Variants in ST7L observed in about 807,000 individuals in gnomAD.
The protein encoded by ST7L is suppression of tumorigenicity 7 like.
Under a neutral mutation model 72.5 loss-of-function variants are expected in ST7L, and 57 were observed. The ratio of observed to expected loss-of-function variants is 0.79; its 90% CI spans 0.64 to 0.98. The LOEUF (loss-of-function observed/expected upper bound fraction) is 0.98. Among genes scored for constraint, ST7L ranks in the 50% least tolerant of loss-of-function variants. The pLI is 0.00. For missense variants in ST7L, 576 were observed against 672.2 expected (o/e 0.86, Z 1.58); for synonymous variants, 221 against 240.9 (o/e 0.92, Z 0.77).
intron 11 of ST7L, among the ~76,000 whole-genome samples, chr1:112,575,460 C>T (rs747647808): frequency 6.6e-6 from 1 of 152,128 alleles, no homozygotes; most frequent in Non-Finnish European, 1.5e-5. Context: ...ATATGTCAAT[C>T]TTGCATTTGG....
intron 14 of ST7L, chr1:112,529,122 A>C (rs1236034282): frequency 6.6e-6 from 1 of 152,110 alleles, no homozygotes; most frequent in African/African-American, 2.4e-5. Flanking sequence ...GAAACAGAGT[A>C]TTGAACTATG....
intron 3 of ST7L, among the ~76,000 whole-genome samples, chr1:112,603,003 C>G (rs983316219): frequency 1.4e-5 from 2 of 143,866 alleles, no homozygotes; most frequent in Non-Finnish European, 3.1e-5. Context: ...TAGGCAGCCA[C>G]CGCGCCCGGC....
chr1:112,589,985 G>T (rs1416570485), intron 6 of ST7L, among the ~76,000 whole-genome samples: 1 of 152,192 alleles, frequency 6.6e-6, no homozygotes, highest in African/African-American at 2.4e-5. Flanking sequence ...AAGCTTTCTG[G>T]TTTGTCTATT....
chr1:112,579,380 T>TAA (rs34252016), intron 9 of ST7L, among the ~76,000 whole-genome samples: 22 of 96,786 alleles, frequency 2.3e-4, no homozygotes, highest in African/African-American at 7.7e-4. Flanking sequence ...CGAGACTCTG[T>TAA]AAAAAAAAAA....
intron 11 of ST7L, among the ~76,000 whole-genome samples, chr1:112,568,861 A>AATATAAATATATATATATATATAT (rs61349207): frequency 8.7e-6 from 1 of 114,916 alleles, no homozygotes; most frequent in African/African-American, 3.5e-5. Context: ...TATAAATATA[A>AATATAAATATATATATATATATAT]ATATATATAT....
At chr1:112,523,131 C>T (rs1485026829), downstream of ST7L, 1 of 152,192 alleles carries the variant, frequency 6.6e-6, no homozygotes, top group African/African-American at 2.4e-5. Context: ...AGGACGTCAA[C>T]CTGACTTAAA....
At chr1:112,585,655 C>A (rs1487609610) in intron 6 of ST7L, among the ~76,000 whole-genome samples, 1 of 151,350 alleles carries the variant, frequency 6.6e-6, no homozygotes, top group East Asian at 1.9e-4. Flanking sequence ...ATGGCATGAA[C>A]CTGGGAGACG....
chr1:112,619,684 T>C, upstream of ST7L: 1 of 607,364 alleles, frequency 1.6e-6, no homozygotes, highest in Non-Finnish European at 2.9e-6. Flanking sequence ...GCGCGGGCGC[T>C]GGCGTTAGGA....
intron 13 of ST7L, among the ~76,000 whole-genome samples, chr1:112,544,989 T>C (rs1262952328): frequency 6.6e-6 from 1 of 152,176 alleles, no homozygotes; most frequent in East Asian, 1.9e-4. Flanking sequence ...AAAAGACGAC[T>C]AAATAGCTAT....
chr1:112,550,099 C>T (rs946049106), intron 13 of ST7L, among the ~76,000 whole-genome samples: 1 of 152,138 alleles, frequency 6.6e-6, no homozygotes, highest in Non-Finnish European at 1.5e-5. Flanking sequence ...TTAAACCAAA[C>T]TTGCATTTGT....
intron 5 of ST7L, among the ~76,000 whole-genome samples, chr1:112,593,586 C>T (rs1157878572): frequency 6.6e-6 from 1 of 152,110 alleles, no homozygotes; most frequent in Non-Finnish European, 1.5e-5. Flanking sequence ...AGAGCCACAA[C>T]TCAGTTCCAT....
downstream of ST7L, among the ~76,000 whole-genome samples, chr1:112,519,874 T>TC (rs1553233355): frequency 1.8e-4 from 16 of 88,528 alleles, no homozygotes; most frequent in South Asian, 7.4e-4. Flanking sequence ...CCATGCTTCT[T>TC]TTTTTTTTTT....
rs757840057 is a variant in ST7L, at chr1:112,619,104, G to C, written c.10C>G (p.Arg4Gly). 6.2e-7 allele frequency: 1 copy of C among 1,613,468 alleles called. No homozygotes were observed. Among genetic ancestry groups the C allele is most frequent in the South Asian group, 1.1e-5 (1 of 91,036 alleles). ...GCTGCGGCTTCACCCACGCCGCCACGGTCCGCCATCTTGCCGCTATCGCAG... is the reference window on the plus strand; with the variant it reads ...GCTGCGGCTTCACCCACGCCGCCACCGTCCGCCATCTTGCCGCTATCGCAG... MAD[R>G]GGVGEAAAVG... The change falls in exon 1 of 15, where the codon CGT (arginine) becomes GGT (glycine). Residue 4 changes from arginine to glycine, a missense_variant. Physicochemically the swap from Arg to Gly is moderately radical, Grantham distance 125 (BLOSUM62 -2). Transcript: ENST00000358039.
In ST7L at chr1:112,554,487, A is replaced by G. The variant is rs145680199; in HGVS notation, c.1396+1381T>C. Among the ~76,000 whole-genome samples, 112 of 152,292 alleles carry G rather than the reference A, an allele frequency of 7.4e-4. 1 individual carries two copies. Among genetic ancestry groups the G allele is most frequent in the African/African-American group, 2.6e-3 (110 of 41,564 alleles). On this transcript the variant is annotated intron_variant, in intron 12 of 14. Coordinates refer to ENST00000358039, the MANE Select transcript of ST7L (RefSeq NM_017744.5). Reference sequence around the variant, plus strand: ...CAGAAAATAACAAGTGTTGACAAGGATGTGAAGAAATTGGAACTTTTGTGC... The same window carrying G: ...CAGAAAATAACAAGTGTTGACAAGGGTGTGAAGAAATTGGAACTTTTGTGC...
chr1:112,591,450 G>C, intron 6 of ST7L, 75 bp downstream of exon 6: 1 of 1,277,934 alleles, frequency 7.8e-7, no homozygotes, highest in Middle Eastern at 2.6e-4. Flanking sequence ...CTTAGGAACA[G>C]ACAAAGGAGA....
At chr1:112,549,057 T>C (rs1029802384) in intron 13 of ST7L, among the ~76,000 whole-genome samples, 1 of 151,814 alleles carries the variant, frequency 6.6e-6, no homozygotes, top group Non-Finnish European at 1.5e-5. Flanking sequence ...TTGATAGCGA[T>C]TGTATTGAAT....
Position 112,578,292 on chromosome 1 carries a change from T to A in ST7L, c.1142+53A>T, listed in dbSNP as rs368596572. 5.4e-5 allele frequency: 80 copies of A among 1,477,148 alleles called. No homozygotes were observed. In the African/African-American group the frequency reaches 1.1e-3, roughly 20 times the overall value. 91.5% of individuals were successfully genotyped at this position (1,477,148 alleles called of 1,614,324 possible). A position where few individuals can be genotyped will look rare whatever the true frequency, so the allele number is the denominator to read the frequency against. ...GTTTAAAGTCAGTAGAGGACAAGCA[T>A]AATACTGAGTTTAGCAGTCTTTCCA... On this transcript the variant is annotated intron_variant, in intron 10 of 14. Transcript: ENST00000358039.
At chr1:112,579,478 T>C (rs1663763770) in intron 9 of ST7L, among the ~76,000 whole-genome samples, 1 of 150,544 alleles carries the variant, frequency 6.6e-6, no homozygotes, top group African/African-American at 2.5e-5. Context: ...AACCTTCACC[T>C]ATTCATAGAG....
chr1:112,579,794 G>T (rs1004280907), intron 9 of ST7L, among the ~76,000 whole-genome samples: 1 of 152,138 alleles, frequency 6.6e-6, no homozygotes. Flanking sequence ...TGGGACTCAT[G>T]AAAATAACTG....
Sources: allele counts gnomAD v4.1 joint callset (sites outside exome capture counted in the v4.1 genomes callset), GRCh38; gene constraint gnomAD v4.1.1; transcripts MANE v1.5; gene names NCBI Gene and HGNC (gene_info 2026-07-23, HGNC 2026-07-21).